PDZD4: variants seen among roughly 807,000 people sequenced by gnomAD.
The protein encoded by PDZD4 is PDZ domain containing 4.
In PDZD4, 9 loss-of-function variants were observed where a neutral mutation model predicts 38.5. That is an observed-to-expected ratio of 0.23 (90% CI 0.14 to 0.41). The LOEUF is 0.41. PDZD4 is among the 10% of genes least tolerant of loss of function. PDZD4 has a pLI of 1.00. For missense variants in PDZD4, 612 were observed against 722.0 expected, an observed-to-expected ratio of 0.85 and a Z score of 1.75; for synonymous variants, 349 against 315.7, an observed-to-expected ratio of 1.11 and a Z score of -1.12.
intron 1 of PDZD4, among the ~76,000 whole-genome samples, chrX:153,810,450 A>T (rs898984334): frequency 8.9e-6 from 1 of 112,668 alleles, no homozygotes; most frequent in African/African-American, 3.2e-5. Context: ...GCCCCCAGTC[A>T]GCACAGAGAG....
At chrX:153,822,377 A>G (rs1312372536) in intron 1 of PDZD4, among the ~76,000 whole-genome samples, 2 of 111,109 alleles carry the variant, frequency 1.8e-5, no homozygotes, top group African/African-American at 6.5e-5. Context: ...GGCTAAGGGC[A>G]CAGTTCACAT....
chrX:153,824,298 G>A (rs2064457553), intron 1 of PDZD4, among the ~76,000 whole-genome samples: 1 of 111,196 alleles, frequency 9.0e-6, no homozygotes, highest in Admixed American at 9.6e-5. Context: ...TCCAGAAGAT[G>A]GCAGTCAGAA....
rs1441605141 is a variant in PDZD4, at chrX:153,803,271, A to G, written c.*82T>C. 3.7e-6 allele frequency: 3 copies of G among 818,087 alleles called. No individual in the cohort carries two copies. The African/African-American group carries it at 6.2e-5, about 17-fold the overall frequency. 67.4% of individuals were successfully genotyped at this position (818,087 alleles called of 1,213,427 possible). A position where few individuals can be genotyped will look rare whatever the true frequency, so the allele number is the denominator to read the frequency against. ...CGAGCACGCGCGCGCGCACACACAC[A>G]CACACACAATCTCTATAGGAGAGTG... On this transcript the variant is annotated 3_prime_UTR_variant, in exon 8 of 8. Coordinates refer to ENST00000393758, the MANE Select transcript of PDZD4 (RefSeq NM_001303512.2).
At chrX:153,824,106 C>T (rs1172316762) in intron 1 of PDZD4, among the ~76,000 whole-genome samples, 1 of 111,554 alleles carries the variant, frequency 9.0e-6, no homozygotes, top group Non-Finnish European at 1.9e-5. Context: ...AGGACAGTGG[C>T]CATTTCTATC....
intron 1 of PDZD4, 156 bp downstream of exon 1, chrX:153,830,083 A>G: frequency 2.1e-5 from 12 of 570,861 alleles, no homozygotes; most frequent in Non-Finnish European, 3.0e-5. Flanking sequence ...CGGAGCGCCA[A>G]CACCCAACAG....
chrX:153,829,197 C>A (rs1218132976), intron 1 of PDZD4, among the ~76,000 whole-genome samples: 2 of 107,779 alleles, frequency 1.9e-5, no homozygotes, highest in Non-Finnish European at 3.9e-5. Context: ...GTGCCCAGCC[C>A]CTCCTTCCCC....
At position 153,804,799 on chromosome X, in the gene PDZD4, C is replaced by T. The variant is rs1603261026; in HGVS notation, c.882G>A (p.Arg294=). The change falls in exon 8 of 8, where the codon CGG becomes CGA. Residue 294 remains arginine (R), a synonymous_variant. Coordinates refer to ENST00000393758, the MANE Select transcript of PDZD4 (RefSeq NM_001303512.2). ...SGVGRTDEST[R]NEESSEHDLL... is the part of the protein sequence containing the mutation. The stretch of plus-strand genomic sequence containing the variant: ...GGTCGTGCTCAGAGCTCTCTTCGTT[C>T]CGGGTGCTCTCGTCAGTCCGGCCCA... 1 of 1,210,410 alleles carries T rather than the reference C, an allele frequency of 8.3e-7. No individual in the cohort carries two copies. The highest frequency in any genetic ancestry group is 1.7e-5 in the African/African-American group (1 of 57,533).
chrX:153,808,176 G>T (rs2064272910), intron 2 of PDZD4, 166 bp downstream of exon 2: 3 of 1,072,193 alleles, frequency 2.8e-6, no homozygotes, highest in Non-Finnish European at 3.6e-6. Context: ...GCTGGAGCCC[G>T]GCCCAAGGCT....
At chrX:153,827,144 A>T (rs2064490678) in intron 1 of PDZD4, among the ~76,000 whole-genome samples, 1 of 112,447 alleles carries the variant, frequency 8.9e-6, no homozygotes, top group Non-Finnish European at 1.9e-5. Flanking sequence ...TCTAAAGAAG[A>T]TCCACAAATG....
At position 153,803,671 on chromosome X, in the gene PDZD4, G is replaced by T; in HGVS notation, c.2010C>A (p.Asp670Glu). The change falls in exon 8 of 8, where the codon GAC becomes GAA. Residue 670 changes from aspartate (D) to glutamate (E), a missense_variant. This residue lies in a region of PDZD4 where 87 missense variants were observed against 126.3 expected (regional missense o/e 0.69). Transcript: ENST00000393758. ...CCATCTTCATCTCGCTCACCGCGTC[G>T]TCGTCGGTCGTCATACCGCTGCGCT... Reference protein sequence around the residue: ...REERSGMTTDDDAVSEMKMGR... With the variant: ...REERSGMTTDEDAVSEMKMGR... The T allele has an allele frequency of 8.3e-7, 1 of 1,210,191 alleles. No homozygotes were observed. The highest frequency in any genetic ancestry group is 1.1e-6 in the Non-Finnish European group (1 of 895,568).
rs1365126133 is a variant in PDZD4, at chrX:153,802,853, G to A, written c.*500C>T. On this transcript the variant is annotated 3_prime_UTR_variant, in exon 8 of 8. Coordinates refer to ENST00000393758, the MANE Select transcript of PDZD4 (RefSeq NM_001303512.2). ...AAACAACTATTGGCAAGCACAGAAA[G>A]GGAGAAAAACCACAAAAATCAGGGG... 2 of 114,078 alleles carry A rather than the reference G, an allele frequency of 1.8e-5. No homozygotes were observed. Among genetic ancestry groups the A allele is most frequent in the Admixed American group, 9.3e-5 (1 of 10,796 alleles). The allele number at this position is 114,078 out of a possible 1,213,427, so 9.4% of individuals were successfully genotyped here.
chrX:153,807,435 G>A (rs1396213494), intron 2 of PDZD4, 66 bp from the exon 3 acceptor site: 2 of 1,063,096 alleles, frequency 1.9e-6, no homozygotes, highest in Non-Finnish European at 2.6e-6. Flanking sequence ...CCAGCTCCCA[G>A]GCAGGCCGAT....
chrX:153,827,569 A>ACTAT (rs1330834538), intron 1 of PDZD4, among the ~76,000 whole-genome samples: 1 of 112,846 alleles, frequency 8.9e-6, no homozygotes, highest in Non-Finnish European at 1.9e-5. Flanking sequence ...TGATACATGG[A>ACTAT]TGAACCTTGA....
chrX:153,811,410 T>TA (rs2064308857), intron 1 of PDZD4, among the ~76,000 whole-genome samples: 1 of 112,329 alleles, frequency 8.9e-6, no homozygotes, highest in South Asian at 3.6e-4. Context: ...GTGCTGGGAT[T>TA]ATAGGCATGA....
chrX:153,803,186 C>T lies in PDZD4; in HGVS notation c.*167G>A, dbSNP rs1201181740. The T allele has an allele frequency of 3.0e-6, 1 of 335,538 alleles. No individual in the cohort carries two copies. Among genetic ancestry groups the T allele is most frequent in the African/African-American group, 2.7e-5 (1 of 37,129 alleles). The allele number at this position is 335,538 out of a possible 1,213,427, so 27.7% of individuals were successfully genotyped here. A position where few individuals can be genotyped will look rare whatever the true frequency, so the allele number is the denominator to read the frequency against. On this transcript the variant is annotated 3_prime_UTR_variant, in exon 8 of 8. Transcript: ENST00000393758. ...AAGCGTCCCTTCTCCTCAGGGGCTTCTCTCTGCTAACAAAGCCCTGTGCGC... is the reference window on the plus strand; with the variant it reads ...AAGCGTCCCTTCTCCTCAGGGGCTTTTCTCTGCTAACAAAGCCCTGTGCGC...
At chrX:153,807,776 G>A (rs111474837) in intron 2 of PDZD4, 1 of 900,838 alleles carries the variant, frequency 1.1e-6, no homozygotes, top group Non-Finnish European at 1.4e-6. Context: ...GAGCAGAGGG[G>A]GGCCCACCCT....
intron 7 of PDZD4, 22 bp from the exon 8 acceptor site, chrX:153,804,922 C>A: frequency 8.4e-7 from 1 of 1,188,314 alleles, no homozygotes; most frequent in East Asian, 3.0e-5. Context: ...AGGTAAGTAC[C>A]GCTCAGTTAG....
intron 1 of PDZD4, among the ~76,000 whole-genome samples, chrX:153,812,265 G>C (rs1557078891): frequency 9.4e-6 from 1 of 106,001 alleles, no homozygotes; most frequent in African/African-American, 3.5e-5. Flanking sequence ...CCTTACCACT[G>C]CCCTTGAGGA....
In PDZD4 at chrX:153,808,387, G is replaced by A; in HGVS notation, c.269C>T (p.Pro90Leu). 1 of 1,210,963 alleles carries A rather than the reference G, an allele frequency of 8.3e-7. No individual in the cohort carries two copies. Among genetic ancestry groups the A allele is most frequent in the African/African-American group, 1.7e-5 (1 of 57,963 alleles). ...HIMALGKLRP[P>L]TPPMVILEPY... ...CTCCAGGATGACCATGGGCGGGGTG[G>A]GCGGACGCAGCTTGCCCAGCGCCAT... The change falls in exon 2 of 8, where the codon CCC (proline) becomes CTC (leucine). Residue 90 changes from proline (P) to leucine (L), a missense_variant. This residue lies in a region of PDZD4 where 225 missense variants were observed against 311.0 expected (regional missense o/e 0.72). Coordinates refer to ENST00000393758, the MANE Select transcript of PDZD4 (RefSeq NM_001303512.2).
Sources: gnomAD v4.1 joint callset for allele counts (sites outside exome capture counted in the v4.1 genomes callset) on GRCh38, gnomAD v4.1.1 for gene constraint, gnomAD v4.1.1 regional missense constraint, MANE v1.5 for transcripts, NCBI Gene and HGNC (gene_info 2026-07-23, HGNC 2026-07-21) for gene names.